The following ABHD5 variants were observed in gnomAD, a reference collection of about 807,000 sequenced individuals.
The protein encoded by ABHD5 is abhydrolase domain containing 5, lysophosphatidic acid acyltransferase.
In ABHD5, 30 loss-of-function variants were observed where a neutral mutation model predicts 44.9. The ratio of observed to expected loss-of-function variants is 0.67; its 90% CI spans 0.50 to 0.91. The LOEUF (loss-of-function observed/expected upper bound fraction) is 0.91. Among genes scored for constraint, ABHD5 ranks in the 40% least tolerant of loss-of-function variants. ABHD5 has a pLI of 0.00. For synonymous variants in ABHD5, 167 were observed against 147.0 expected, an observed-to-expected ratio of 1.14 and a Z score of -0.99; for missense variants, 399 against 423.4, an observed-to-expected ratio of 0.94 and a Z score of 0.50.
At position 43,702,200 on chromosome 3, in the gene ABHD5, T is replaced by C; in HGVS notation, c.134-15T>C. 1.9e-6 allele frequency: 3 copies of C among 1,572,372 alleles called. No homozygotes were observed. The highest frequency in any genetic ancestry group is 2.6e-6 in the Non-Finnish European group (3 of 1,156,524). ...AATAAAATGAAACAGAATTTCTCTT[T>C]TATGTTTTCATTAGGTGTGCCTTGC... On this transcript the variant is annotated splice_polypyrimidine_tract_variant and intron_variant, in intron 2 of 6. Coordinates refer to ENST00000644371, the MANE Select transcript of ABHD5 (RefSeq NM_016006.6).
chr3:43,716,043 G>A (rs2084758355), intron 5 of ABHD5, among the ~76,000 whole-genome samples: 1 of 152,178 alleles, frequency 6.6e-6, no homozygotes, highest in South Asian at 2.1e-4. Flanking sequence ...GGGCATAGTA[G>A]CAGAGGGAGC....
At chr3:43,726,373 A>G (rs1013387597), downstream of ABHD5, among the ~76,000 whole-genome samples, 2 of 152,132 alleles carry the variant, frequency 1.3e-5, no homozygotes, top group Non-Finnish European at 2.9e-5. Context: ...GCTGTTTTCC[A>G]TGGGGTAGGA....
rs146813854 is a variant in ABHD5, at chr3:43,718,495, A to G, written c.1013A>G (p.Asn338Ser). The G allele has an allele frequency of 5.6e-6, 9 of 1,614,072 alleles. No individual in the cohort carries two copies. Among genetic ancestry groups the G allele is most frequent in the Non-Finnish European group, 6.8e-6 (8 of 1,180,022 alleles). The change falls in exon 7 of 7, where the codon AAC becomes AGC. Residue 338 changes from asparagine (N) to serine (S), a missense_variant. By Grantham distance (46) the Asn-to-Ser change is conservative. Coordinates refer to ENST00000644371, the MANE Select transcript of ABHD5 (RefSeq NM_016006.6). Reference protein sequence around the residue: ...YVYADQPEEFNQKVKEICDTV... With the variant: ...YVYADQPEEFSQKVKEICDTV... ...TATGCAGATCAACCAGAAGAATTCA[A>G]CCAGAAAGTAAAGGAGATCTGCGAC... is the stretch of plus-strand genomic sequence containing the variant.
chr3:43,694,238 G>A (rs1359146190), intron 1 of ABHD5, among the ~76,000 whole-genome samples: 1 of 130,064 alleles, frequency 7.7e-6, no homozygotes, highest in Non-Finnish European at 1.6e-5. Context: ...CAGCCTGGGC[G>A]ACAGAGCAAG....
intron 5 of ABHD5, among the ~76,000 whole-genome samples, chr3:43,717,196 A>AC (rs936258165): frequency 7.5e-6 from 1 of 134,182 alleles, no homozygotes; most frequent in African/African-American, 3.2e-5. Flanking sequence ...AAAAAACAAA[A>AC]AAAAAAAATG....
chr3:43,692,215 A>G (rs1462274147), intron 1 of ABHD5, among the ~76,000 whole-genome samples: 3 of 152,218 alleles, frequency 2.0e-5, no homozygotes, highest in African/African-American at 7.2e-5. Flanking sequence ...ATTTGGAAAG[A>G]TGTCATGGGG....
chr3:43,702,556 G>A lies in ABHD5; in HGVS notation c.475G>A (p.Ala159Thr). ...LLGHNLGGFLAAAYSLKYPSR... is the reference protein window; with the variant it reads ...LLGHNLGGFLTAAYSLKYPSR... ...TGGGCACAACCTAGGTGGATTCTTGGCTGCTGCTTACTCGCTGAAGTACCC... is the reference window on the plus strand; with the variant it reads ...TGGGCACAACCTAGGTGGATTCTTGACTGCTGCTTACTCGCTGAAGTACCC... The change falls in exon 3 of 7, where the codon GCT (alanine) becomes ACT (threonine). Residue 159 changes from alanine to threonine, a missense_variant. By Grantham distance (58) the Ala-to-Thr change is moderately conservative (BLOSUM62 0). Transcript: ENST00000644371. 6.2e-7 allele frequency: 1 copy of A among 1,614,228 alleles called. No homozygotes were observed. The highest frequency in any genetic ancestry group is 8.5e-7 in the Non-Finnish European group (1 of 1,180,040).
chr3:43,695,897 G>A (rs2084468417), intron 1 of ABHD5, among the ~76,000 whole-genome samples: 1 of 152,206 alleles, frequency 6.6e-6, no homozygotes, highest in Non-Finnish European at 1.5e-5. Context: ...CCTCTGATGT[G>A]ATCTTTTATA....
At chr3:43,692,816 C>T (rs920634687) in intron 1 of ABHD5, among the ~76,000 whole-genome samples, 5 of 152,172 alleles carry the variant, frequency 3.3e-5, no homozygotes, top group Non-Finnish European at 7.3e-5. Context: ...ATCCCTGCTG[C>T]CTGTCACTGG....
intron 2 of ABHD5, chr3:43,702,011 A>G (rs1029043332): frequency 9.5e-6 from 5 of 529,066 alleles, no homozygotes; most frequent in African/African-American, 3.8e-5. Context: ...TGTCTGAGGT[A>G]GGTCTTCCCC....
chr3:43,717,375 A>G lies in ABHD5; in HGVS notation c.774-296A>G, dbSNP rs75936437. On this transcript the variant is annotated intron_variant, in intron 5 of 6. Coordinates refer to ENST00000644371, the MANE Select transcript of ABHD5 (RefSeq NM_016006.6). Reference sequence around the variant, plus strand: ...TCAGTTTAAATAAGGACAAAAAAACATATTTTTAACTATCTCCACAATAAA... The same window carrying G: ...TCAGTTTAAATAAGGACAAAAAAACGTATTTTTAACTATCTCCACAATAAA... 0.021 allele frequency among the ~76,000 whole-genome samples: 3,227 copies of G among 152,304 alleles called. 54 individuals carry two copies. Among genetic ancestry groups the G allele is most frequent in the South Asian group, 0.092 (442 of 4,822 alleles).
upstream of ABHD5, chr3:43,690,887 T>C: frequency 7.8e-7 from 1 of 1,280,896 alleles, no homozygotes; most frequent in Non-Finnish European, 1.0e-6. Flanking sequence ...GGAAGACGCA[T>C]GCGCTGGCGG....
intron 3 of ABHD5, among the ~76,000 whole-genome samples, 195 bp downstream of exon 3, chr3:43,702,782 A>T (rs1000226450): frequency 6.6e-6 from 1 of 152,228 alleles, no homozygotes; most frequent in Non-Finnish European, 1.5e-5. Context: ...TACACGTACT[A>T]CATGTTAATA....
downstream of ABHD5, among the ~76,000 whole-genome samples, chr3:43,724,366 C>T (rs186768959): frequency 5.9e-5 from 9 of 152,148 alleles, no homozygotes; most frequent in African/African-American, 1.7e-4. Context: ...TGTCGGTGGG[C>T]TGTAATAGGT....
intron 1 of ABHD5, among the ~76,000 whole-genome samples, chr3:43,692,765 C>A (rs1010839569): frequency 1.3e-5 from 2 of 152,114 alleles, no homozygotes; most frequent in South Asian, 2.1e-4. Context: ...TTTGTGGAAC[C>A]CTTTGAGGTG....
chr3:43,702,899 A>G (rs1483582991), intron 3 of ABHD5, among the ~76,000 whole-genome samples: 1 of 152,208 alleles, frequency 6.6e-6, no homozygotes, highest in African/African-American at 2.4e-5. Flanking sequence ...CATTAAACCT[A>G]TGAATCCAGC....
chr3:43,717,760 T>A lies in ABHD5; in HGVS notation c.863T>A (p.Ile288Asn). 3.1e-6 allele frequency: 5 copies of A among 1,614,218 alleles called. No individual in the cohort carries two copies. The highest frequency in any genetic ancestry group is 4.2e-6 in the Non-Finnish European group (5 of 1,180,032). The change falls in exon 6 of 7, where the codon ATT becomes AAT. Residue 288 changes from isoleucine to asparagine, a missense_variant. Ile to Asn is a moderately radical substitution (Grantham distance 149). Transcript: ENST00000644371. ...LQRIGKMHPD[I>N]PVSVIFGARS... ...CGAATTGGTAAAATGCACCCTGACA[T>A]TCCAGTTTCAGTGATCTTTGGCGCC...
rs367627114 is a variant in ABHD5, at chr3:43,690,963, A to G, written c.-30A>G. On this transcript the variant is annotated 5_prime_UTR_variant, in exon 1 of 7. Transcript: ENST00000644371. Reference sequence around the variant, plus strand: ...AGTCGGCCTGTCAGCCGGCTTCGAGATAAGTCCCGGCGCTTGCGCGGCGGC... The same window carrying G: ...AGTCGGCCTGTCAGCCGGCTTCGAGGTAAGTCCCGGCGCTTGCGCGGCGGC... The G allele has an allele frequency of 4.5e-6, 7 of 1,558,178 alleles. No homozygotes were observed. Among genetic ancestry groups the G allele is most frequent in the South Asian group, 2.3e-5 (2 of 85,794 alleles).
In ABHD5 at chr3:43,721,245, A is replaced by T. The variant is rs951151993; in HGVS notation, c.*2713A>T. 2.0e-5 allele frequency: 3 copies of T among 152,174 alleles called. No individual in the cohort carries two copies. Among genetic ancestry groups the T allele is most frequent in the African/African-American group, 4.8e-5 (2 of 41,444 alleles). 9.4% of individuals were successfully genotyped at this position (152,174 alleles called of 1,614,324 possible). On this transcript the variant is annotated 3_prime_UTR_variant, in exon 7 of 7. Coordinates refer to ENST00000644371, the MANE Select transcript of ABHD5 (RefSeq NM_016006.6). Reference sequence around the variant, plus strand: ...GAAGTGTGGTTAACCATTTGGAAAAAAAAATAAAATTGAATCGATTTCTCA... The same window carrying T: ...GAAGTGTGGTTAACCATTTGGAAAATAAAATAAAATTGAATCGATTTCTCA...
Sources: allele counts gnomAD v4.1 joint callset (sites outside exome capture counted in the v4.1 genomes callset), GRCh38; gene constraint gnomAD v4.1.1; transcripts MANE v1.5; gene names NCBI Gene and HGNC (gene_info 2026-07-23, HGNC 2026-07-21).